Variants in HHAT observed in about 807,000 individuals in gnomAD.
HHAT encodes protein-cysteine N-palmitoyltransferase HHAT.
HHAT carries 47 observed loss-of-function variants against 70.8 expected under a neutral mutation model. The ratio of observed to expected loss-of-function variants is 0.66; its 90% CI spans 0.53 to 0.85. HHAT has a LOEUF of 0.85. HHAT is among the 40% of genes least tolerant of loss of function. The pLI, the probability that HHAT is intolerant of heterozygous loss-of-function variation, is 0.00. For synonymous variants in HHAT, 228 were observed against 247.6 expected (o/e 0.92, Z 0.74); for missense variants, 609 against 604.8 (o/e 1.01, Z -0.07).
rs1378064086 is a variant in HHAT, at chr1:210,623,686, G to A, written c.1390+16G>A. 8 of 1,610,072 alleles carry A rather than the reference G, an allele frequency of 5.0e-6. No homozygotes were observed. The African/African-American group carries it at 6.7e-5, about 13-fold the overall frequency. ...TTCATACAAGGTAAGTTGCTTGACA[G>A]TGCTGTTTTCAGTCAGTTTCTTGTT... On this transcript the variant is annotated intron_variant, in intron 11 of 11. Transcript: ENST00000261458.
At chr1:210,540,459 ACACACACACACG>A (rs2095416537) in intron 9 of HHAT, among the ~76,000 whole-genome samples, 1 of 138,872 alleles carries the variant, frequency 7.2e-6, no homozygotes, top group Non-Finnish European at 1.7e-5. Context: ...ACACACACAC[ACACACACACACG>A]CACACACATG....
chr1:210,618,044 C>A (rs530377546), intron 10 of HHAT, among the ~76,000 whole-genome samples: 2 of 152,172 alleles, frequency 1.3e-5, no homozygotes, highest in Non-Finnish European at 2.9e-5. Context: ...AGTTGAGAAA[C>A]GGTCCTGCCC....
At chr1:210,589,052 T>C (rs2148790932) in intron 10 of HHAT, 1 of 152,216 alleles carries the variant, frequency 6.6e-6, no homozygotes, top group East Asian at 1.9e-4. Flanking sequence ...TGTAGCAATA[T>C]TCCTCTAACC....
chr1:210,550,828 C>A (rs2357920), intron 9 of HHAT, among the ~76,000 whole-genome samples: 1 of 148,340 alleles, frequency 6.7e-6, no homozygotes, highest in Non-Finnish European at 1.5e-5. Flanking sequence ...CGCTACCACC[C>A]CCAGATAATT....
chr1:210,411,529 G>A (rs2092554032), intron 6 of HHAT, among the ~76,000 whole-genome samples: 2 of 152,112 alleles, frequency 1.3e-5, no homozygotes, highest in African/African-American at 4.8e-5. Context: ...TGAGGTAGGA[G>A]GATCACTTGA....
chr1:210,659,669 A>G (rs749681926), intron 11 of HHAT, among the ~76,000 whole-genome samples: 5 of 152,238 alleles, frequency 3.3e-5, no homozygotes, highest in Non-Finnish European at 5.9e-5. Context: ...AAAATCCCCA[A>G]TAAAATACTG....
chr1:210,335,333 C>T (rs1302986548), intron 1 of HHAT, among the ~76,000 whole-genome samples: 1 of 144,552 alleles, frequency 6.9e-6, no homozygotes, highest in Non-Finnish European at 1.5e-5. Flanking sequence ...AAAAAAAAGC[C>T]TCTTTGCAAG....
Position 210,636,144 on chromosome 1 carries a change from T to G in HHAT, c.1390+12474T>G, listed in dbSNP as rs142895909. On this transcript the variant is annotated intron_variant, in intron 11 of 11. Transcript: ENST00000261458. ...CTTTCCTTGGATACTTGGTTATCTT[T>G]GTCTATGTGCTGCCCATTATCTTGC... Among the ~76,000 whole-genome samples, 103 of 152,344 alleles carry G rather than the reference T, an allele frequency of 6.8e-4. 2 individuals carry two copies. The highest frequency in any genetic ancestry group is 4.6e-3 in the East Asian group (24 of 5,186).
rs567965731 is a variant in HHAT, at chr1:210,588,024, G to T, written c.1170G>T (p.Ala390=). 8.7e-6 allele frequency: 14 copies of T among 1,613,912 alleles called. No individual in the cohort carries two copies. Among genetic ancestry groups the T allele is most frequent in the Non-Finnish European group, 1.1e-5 (13 of 1,179,962 alleles). The change falls in exon 10 of 12, where the codon GCG becomes GCT. Residue 390 remains alanine, a synonymous_variant. Transcript: ENST00000261458. Reference sequence around the variant, plus strand: ...ACGACTACCTCTGGTGCTGGGCAGCGCTCAACTGGCTGGGAGTCACTGTGG... The same window carrying T: ...ACGACTACCTCTGGTGCTGGGCAGCTCTCAACTGGCTGGGAGTCACTGTGG... ...GGYDYLWCWA[A]LNWLGVTVEN...
rs540387405 is a variant in HHAT, at chr1:210,370,008, C to G, written c.159+7089C>G. 8.6e-4 allele frequency among the ~76,000 whole-genome samples: 130 copies of G among 151,964 alleles called. 1 individual carries two copies. Among genetic ancestry groups the G allele is most frequent in the African/African-American group, 3.1e-3 (127 of 41,420 alleles). ...TTGTTCTGTGGACTCTTTCTGGAGC[C>G]CTCTGACTGATTTTCCTGCCTTGCC... is the stretch of plus-strand genomic sequence containing the variant. On this transcript the variant is annotated intron_variant, in intron 3 of 11. Coordinates refer to ENST00000261458, the MANE Select transcript of HHAT (RefSeq NM_018194.6).
At chr1:210,555,135 G>A (rs986234358) in intron 9 of HHAT, among the ~76,000 whole-genome samples, 1 of 152,132 alleles carries the variant, frequency 6.6e-6, no homozygotes, top group South Asian at 2.1e-4. Context: ...CAAAATCCTG[G>A]CATTTAGAAA....
intron 1 of HHAT, among the ~76,000 whole-genome samples, 197 bp from the exon 2 acceptor site, chr1:210,348,736 C>CGTGTGTGTGTGTGTGT (rs71303046): frequency 0.013 from 1,980 of 148,016 alleles, 43 homozygotes; most frequent in African/African-American, 0.042. Flanking sequence ...TGTATGTGTG[C>CGTGTGTGTGTGTGTGT]GTGTGTGTGT....
chr1:210,372,879 A>G (rs2089700658), intron 3 of HHAT, among the ~76,000 whole-genome samples: 1 of 151,586 alleles, frequency 6.6e-6, no homozygotes, highest in Non-Finnish European at 1.5e-5. Flanking sequence ...TCTTACATAC[A>G]TGCTTCATTA....
intron 11 of HHAT, among the ~76,000 whole-genome samples, chr1:210,649,244 C>T (rs1011139488): frequency 3.3e-5 from 5 of 152,234 alleles, no homozygotes; most frequent in Admixed American, 3.3e-4. Context: ...GACCACTCAG[C>T]ACACCCAGGA....
chr1:210,656,413 C>T (rs1039343506), intron 11 of HHAT, among the ~76,000 whole-genome samples: 5 of 149,896 alleles, frequency 3.3e-5, no homozygotes, highest in Non-Finnish European at 6.0e-5. Context: ...ATACCCCCCC[C>T]GTCCCCCTGC....
At chr1:210,373,383 G>T (rs1182853487) in intron 3 of HHAT, among the ~76,000 whole-genome samples, 1 of 152,000 alleles carries the variant, frequency 6.6e-6, no homozygotes, top group Non-Finnish European at 1.5e-5. Flanking sequence ...TTCTTAAAAA[G>T]GTTATTACCT....
At chr1:210,355,604 G>GT (rs1163233831) in intron 2 of HHAT, among the ~76,000 whole-genome samples, 2 of 152,042 alleles carry the variant, frequency 1.3e-5, no homozygotes, top group Non-Finnish European at 2.9e-5. Context: ...TTTCCCTAGG[G>GT]TTAAAAAATA....
intron 1 of HHAT, among the ~76,000 whole-genome samples, chr1:210,331,214 C>A (rs554838491): frequency 6.6e-6 from 1 of 152,064 alleles, no homozygotes; most frequent in African/African-American, 2.4e-5. Context: ...AGTGGGACCC[C>A]TGAGCTTGTT....
chr1:210,334,699 T>A (rs777042946), intron 1 of HHAT, among the ~76,000 whole-genome samples: 1 of 151,666 alleles, frequency 6.6e-6, no homozygotes, highest in Admixed American at 6.6e-5. Context: ...ATTTTTATTT[T>A]TTTTTTTGCG....
Sources: gnomAD v4.1 joint callset for allele counts (sites outside exome capture counted in the v4.1 genomes callset) on GRCh38, gnomAD v4.1.1 for gene constraint, MANE v1.5 for transcripts, NCBI Gene and HGNC (gene_info 2026-07-23, HGNC 2026-07-21) for gene names.